Variants in CNBD1 observed in about 807,000 individuals in gnomAD.
The protein encoded by CNBD1 is cyclic nucleotide binding domain containing 1.
Under a neutral mutation model 54.4 loss-of-function variants are expected in CNBD1, and 71 were observed. The ratio of observed to expected loss-of-function variants is 1.30; its 90% CI spans 1.08 to 1.59. CNBD1 has a LOEUF of 1.59. CNBD1 is among the 40% of genes most tolerant of loss of function. CNBD1 has a pLI of 0.00. For missense variants in CNBD1, 659 were observed against 518.0 expected, an observed-to-expected ratio of 1.27 and a Z score of -2.64; for synonymous variants, 182 against 170.7, an observed-to-expected ratio of 1.07 and a Z score of -0.51.
At chr8:87,240,657 C>T (rs1458327125) in intron 6 of CNBD1, among the ~76,000 whole-genome samples, 1 of 152,260 alleles carries the variant, frequency 6.6e-6, no homozygotes, top group East Asian at 1.9e-4. Flanking sequence ...TTTGCATACT[C>T]TTTTACTCAC....
At chr8:87,364,947 G>A (rs1174222711) in intron 10 of CNBD1, among the ~76,000 whole-genome samples, 2 of 152,052 alleles carry the variant, frequency 1.3e-5, no homozygotes, top group African/African-American at 4.8e-5. Context: ...GTGCTGCAGT[G>A]AACATCGCTG....
intron 4 of CNBD1, among the ~76,000 whole-genome samples, chr8:86,951,404 C>A (rs979118512): frequency 6.6e-6 from 1 of 151,050 alleles, no homozygotes; most frequent in East Asian, 2.0e-4. Context: ...GCCTGGCCCA[C>A]GTGGTGAAAC....
At chr8:87,342,424 T>A (rs7463066) in intron 8 of CNBD1, among the ~76,000 whole-genome samples, 85,981 of 152,082 alleles carry the variant, frequency 0.57, 25,879 homozygotes, top group African/African-American at 0.77. Flanking sequence ...TTTCTCTCAG[T>A]TACTACATTA....
At chr8:87,357,124 T>G (rs547101559) in intron 10 of CNBD1, among the ~76,000 whole-genome samples, 1 of 152,218 alleles carries the variant, frequency 6.6e-6, no homozygotes, top group South Asian at 2.1e-4. Flanking sequence ...TTTCAGAGAA[T>G]GTATCAGAAA....
chr8:87,141,051 G>A (rs759758059), intron 4 of CNBD1, among the ~76,000 whole-genome samples: 3 of 152,154 alleles, frequency 2.0e-5, no homozygotes, highest in Non-Finnish European at 2.9e-5. Flanking sequence ...TTCTGTCAAC[G>A]TTGTTAATTA....
chr8:87,327,570 G>C (rs568247772), intron 8 of CNBD1, among the ~76,000 whole-genome samples: 20 of 152,266 alleles, frequency 1.3e-4, no homozygotes. Context: ...CGATTTTCCA[G>C]GTGCGTCAGT....
At chr8:87,172,357 A>C (rs1813106414) in intron 4 of CNBD1, among the ~76,000 whole-genome samples, 1 of 152,112 alleles carries the variant, frequency 6.6e-6, no homozygotes, top group African/African-American at 2.4e-5. Flanking sequence ...CTATTGGATG[A>C]AATGCTCTGT....
At chr8:87,268,802 C>T (rs1353674972) in intron 6 of CNBD1, among the ~76,000 whole-genome samples, 1 of 151,900 alleles carries the variant, frequency 6.6e-6, no homozygotes, top group African/African-American at 2.4e-5. Flanking sequence ...ATTTAAGTTG[C>T]ATATAGGTTC....
intron 2 of CNBD1, among the ~76,000 whole-genome samples, chr8:87,424,032 C>T (rs931881014): frequency 6.6e-6 from 1 of 152,136 alleles, no homozygotes; most frequent in South Asian, 2.1e-4. Context: ...GGAATTTATC[C>T]ATTTCTTCTA....
intron 8 of CNBD1, among the ~76,000 whole-genome samples, chr8:87,328,184 G>T (rs1412122630): frequency 2.0e-5 from 3 of 151,754 alleles, no homozygotes; most frequent in Admixed American, 2.0e-4. Context: ...CCCTCCCTGT[G>T]TCCATTGTTC....
In CNBD1 at chr8:87,194,961, G is replaced by A. The variant is rs375365104; in HGVS notation, c.432-11032G>A. On this transcript the variant is annotated intron_variant, in intron 4 of 10. Coordinates refer to ENST00000518476, the MANE Select transcript of CNBD1 (RefSeq NM_173538.3). ...TGCAATGGCTCAATCTCGACTCACT[G>A]CAACCTCCGCCTCCTGGGTTCAAGC... Among the ~76,000 whole-genome samples, 121 of 152,132 alleles carry A rather than the reference G, an allele frequency of 8.0e-4. 3 individuals carry two copies. In the Middle Eastern group the frequency reaches 0.027, roughly 34 times the overall value.
chr8:86,990,776 T>C (rs7460789), intron 4 of CNBD1, among the ~76,000 whole-genome samples: 1 of 151,972 alleles, frequency 6.6e-6, no homozygotes, highest in Non-Finnish European at 1.5e-5. Flanking sequence ...ATAGATTGCT[T>C]TAGGTAGTGT....
intron 8 of CNBD1, among the ~76,000 whole-genome samples, chr8:87,303,696 G>A (rs1017161847): frequency 6.7e-6 from 1 of 149,920 alleles, no homozygotes; most frequent in Admixed American, 6.6e-5. Context: ...AGAGTGAACA[G>A]GCAACCTACA....
chr8:87,422,176 C>T (rs1586093139), intron 2 of CNBD1, among the ~76,000 whole-genome samples: 2 of 146,116 alleles, frequency 1.4e-5, no homozygotes, highest in East Asian at 1.9e-4. Context: ...TGGATATTAG[C>T]CCTTTGTCAG....
intron 4 of CNBD1, among the ~76,000 whole-genome samples, chr8:87,199,155 T>G (rs1813791935): frequency 6.6e-6 from 1 of 152,242 alleles, no homozygotes; most frequent in South Asian, 2.1e-4. Context: ...GGGATGACAT[T>G]TCAACATGAG....
intron 4 of CNBD1, among the ~76,000 whole-genome samples, chr8:86,981,989 A>G (rs1355714617): frequency 6.6e-6 from 1 of 152,120 alleles, no homozygotes; most frequent in Non-Finnish European, 1.5e-5. Context: ...CTGACTTACC[A>G]TTTTCTAACG....
chr8:87,064,344 C>T (rs1810606708), intron 4 of CNBD1, among the ~76,000 whole-genome samples: 2 of 151,904 alleles, frequency 1.3e-5, no homozygotes, highest in South Asian at 2.1e-4. Flanking sequence ...CAATTTTCAG[C>T]TTAAAAATAT....
chr8:87,287,088 G>T (rs1051823506), intron 8 of CNBD1, among the ~76,000 whole-genome samples: 2 of 152,054 alleles, frequency 1.3e-5, no homozygotes, highest in African/African-American at 4.8e-5. Flanking sequence ...ATCTGTACTT[G>T]TGCTACATAT....
At chr8:87,411,747 G>C (rs897149777) in intron 2 of CNBD1, among the ~76,000 whole-genome samples, 1 of 150,598 alleles carries the variant, frequency 6.6e-6, no homozygotes, top group Non-Finnish European at 1.5e-5. Context: ...GTACTGAAAG[G>C]GTTCATGTAA....
Sources: gnomAD v4.1 joint callset for allele counts (sites outside exome capture counted in the v4.1 genomes callset) on GRCh38, gnomAD v4.1.1 for gene constraint, MANE v1.5 for transcripts, NCBI Gene and HGNC (gene_info 2026-07-23, HGNC 2026-07-21) for gene names.